The following FBXO16 variants were observed in gnomAD, a reference collection of about 807,000 sequenced individuals.
The protein encoded by FBXO16 is F-box protein 16.
Under a neutral mutation model 41.0 loss-of-function variants are expected in FBXO16, and 31 were observed. That is an observed-to-expected ratio of 0.76 (90% CI 0.57 to 1.02). The LOEUF is 1.02. Ranked by LOEUF, FBXO16 falls within the 50% of genes least tolerant of loss-of-function variation. The probability of loss-of-function intolerance (pLI) is 0.00; values close to 1 mark genes in which losing one functional copy is unlikely to be tolerated. For missense variants in FBXO16, 361 were observed against 346.2 expected (o/e 1.04, Z -0.34); for synonymous variants, 133 against 117.8 (o/e 1.13, Z -0.84).
chr8:28,461,101 T>A (rs993496876), intron 4 of FBXO16, among the ~76,000 whole-genome samples: 3 of 145,320 alleles, frequency 2.1e-5, no homozygotes, highest in Non-Finnish European at 4.5e-5. Flanking sequence ...TTTTTTTTTT[T>A]ACCAATGACG....
chr8:28,457,416 T>G (rs1295614512), intron 4 of FBXO16, among the ~76,000 whole-genome samples: 1 of 152,172 alleles, frequency 6.6e-6, no homozygotes, highest in Non-Finnish European at 1.5e-5. Context: ...GATAAAGACA[T>G]ACCTGAGACT....
chr8:28,459,802 A>G (rs1343874306), intron 4 of FBXO16, among the ~76,000 whole-genome samples: 5 of 151,930 alleles, frequency 3.3e-5, no homozygotes. Context: ...CAAGGTGAGC[A>G]GATCACTTGA....
At chr8:28,474,721 A>G (rs1436717304) in intron 2 of FBXO16, among the ~76,000 whole-genome samples, 1 of 152,230 alleles carries the variant, frequency 6.6e-6, no homozygotes, top group Non-Finnish European at 1.5e-5. Flanking sequence ...TAGGTTTATT[A>G]CAATATATTA....
chr8:28,432,242 T>G (rs1802618244), intron 7 of FBXO16, among the ~76,000 whole-genome samples: 3 of 151,184 alleles, frequency 2.0e-5, no homozygotes, highest in East Asian at 3.9e-4. Context: ...GGGAGGCCGA[T>G]GTGGGCGGAT....
chr8:28,463,387 TTTG>T (rs1803175062), intron 4 of FBXO16, among the ~76,000 whole-genome samples: 1 of 139,770 alleles, frequency 7.2e-6, no homozygotes, highest in Admixed American at 7.8e-5. Context: ...TGTTTGTGTG[TTTG>T]TGTTTGTATG....
At chr8:28,448,082 G>A (rs373242292) in intron 6 of FBXO16, among the ~76,000 whole-genome samples, 7 of 152,260 alleles carry the variant, frequency 4.6e-5, no homozygotes, top group East Asian at 3.9e-4. Context: ...ACTCATGCCC[G>A]TAACCCCAGC....
chr8:28,467,763 G>A (rs775072960), intron 3 of FBXO16, among the ~76,000 whole-genome samples: 1 of 152,172 alleles, frequency 6.6e-6, no homozygotes, highest in Non-Finnish European at 1.5e-5. Flanking sequence ...ACACAATACT[G>A]AAGAAATCTA....
intron 3 of FBXO16, among the ~76,000 whole-genome samples, chr8:28,466,772 G>A (rs1307665328): frequency 6.6e-6 from 1 of 152,200 alleles, no homozygotes; most frequent in Non-Finnish European, 1.5e-5. Context: ...AAGTTGGCTT[G>A]ACGGGAGTTG....
chr8:28,448,340 C>CAAAAAAAAAA (rs56323338), intron 6 of FBXO16, among the ~76,000 whole-genome samples: 3 of 49,878 alleles, frequency 6.0e-5, no homozygotes, highest in African/African-American at 2.0e-4. Context: ...GACCCTAAAT[C>CAAAAAAAAAA]AAAAAAAAAA....
chr8:28,485,512 T>G (rs1803588595), intron 1 of FBXO16, among the ~76,000 whole-genome samples: 1 of 152,206 alleles, frequency 6.6e-6, no homozygotes, highest in Non-Finnish European at 1.5e-5. Flanking sequence ...TTGGCTAGTA[T>G]GGGATTTTCC....
intron 3 of FBXO16, among the ~76,000 whole-genome samples, chr8:28,466,693 G>T (rs1372141645): frequency 6.6e-6 from 1 of 152,112 alleles, no homozygotes; most frequent in Non-Finnish European, 1.5e-5. Context: ...TACATGGGAG[G>T]CTGAAGCAGA....
intron 4 of FBXO16, among the ~76,000 whole-genome samples, chr8:28,463,002 T>C (rs1803161925): frequency 6.6e-6 from 1 of 152,260 alleles, no homozygotes; most frequent in Non-Finnish European, 1.5e-5. Flanking sequence ...AACTAGCTAA[T>C]ACTTCTTTGT....
intron 4 of FBXO16, among the ~76,000 whole-genome samples, chr8:28,458,720 T>C (rs1473600522): frequency 6.6e-6 from 1 of 152,104 alleles, no homozygotes; most frequent in Non-Finnish European, 1.5e-5. Flanking sequence ...GCCCATCTAA[T>C]TCTGTATTTT....
intron 5 of FBXO16, among the ~76,000 whole-genome samples, chr8:28,454,432 A>G (rs1803003990): frequency 1.3e-5 from 2 of 151,844 alleles, no homozygotes; most frequent in Middle Eastern, 3.4e-3. Flanking sequence ...TTATATGTAA[A>G]AAATCATTAA....
chr8:28,463,301 TG>T lies in FBXO16; in HGVS notation c.342+310del, dbSNP rs1803171488. ...GCATGTGTATATGTATGTTTGTGTG[TG>T]TTTGTGTGTGTGTGTATATGTGTAT... is the stretch of plus-strand genomic sequence containing the variant. On this transcript the variant is annotated intron_variant, in intron 4 of 8. Transcript: ENST00000380254. 2.0e-5 allele frequency among the ~76,000 whole-genome samples: 3 copies of T among 150,802 alleles called. No homozygotes were observed. In the South Asian group the frequency reaches 6.2e-4, roughly 31 times the overall value.
At chr8:28,439,037 T>C (rs1802724686) in intron 7 of FBXO16, among the ~76,000 whole-genome samples, 1 of 150,032 alleles carries the variant, frequency 6.7e-6, no homozygotes, top group African/African-American at 2.5e-5. Context: ...GAGGCAGAGG[T>C]TGCAGTGAGA....
In FBXO16 at chr8:28,468,960, C is replaced by T. The variant is rs114830393; in HGVS notation, c.135+4812G>A. 3.0e-4 allele frequency among the ~76,000 whole-genome samples: 45 copies of T among 152,118 alleles called. 1 individual carries two copies. Among genetic ancestry groups the T allele is most frequent in the African/African-American group, 1.0e-3 (42 of 41,512 alleles). ...TCTCACTTCATCTCCCACAGATAAC[C>T]AGTGTTCAAAAGTTTGATGTTCATG... On this transcript the variant is annotated intron_variant, in intron 3 of 8. Transcript: ENST00000380254.
chr8:28,441,556 C>G (rs1189016511), intron 7 of FBXO16, among the ~76,000 whole-genome samples: 1 of 151,920 alleles, frequency 6.6e-6, no homozygotes, highest in Admixed American at 6.6e-5. Context: ...GCCAACATGG[C>G]GAAATCCTGT....
chr8:28,447,556 G>C (rs920735760), intron 6 of FBXO16: 5 of 364,474 alleles, frequency 1.4e-5, no homozygotes, highest in Non-Finnish European at 2.6e-5. Context: ...AAGAAGGGTG[G>C]ATGAGACGGT....
Sources: gnomAD v4.1 joint callset for allele counts (sites outside exome capture counted in the v4.1 genomes callset) on GRCh38, gnomAD v4.1.1 for gene constraint, MANE v1.5 for transcripts, NCBI Gene and HGNC (gene_info 2026-07-23, HGNC 2026-07-21) for gene names.